Variants in KIAA1217 observed in about 807,000 individuals in gnomAD.
The protein encoded by KIAA1217 is sickle tail protein homolog.
In KIAA1217, 88 loss-of-function variants were observed where a neutral mutation model predicts 163.9. The observed-to-expected ratio is 0.54, with a 90% CI of 0.45 to 0.64. The LOEUF is 0.64. Ranked by LOEUF, KIAA1217 falls within the 30% of genes least tolerant of loss-of-function variation. The probability of loss-of-function intolerance (pLI) is 0.00; values close to 1 mark genes in which losing one functional copy is unlikely to be tolerated. For synonymous variants in KIAA1217, 903 were observed against 923.1 expected, an observed-to-expected ratio of 0.98 and a Z score of 0.39; for missense variants, 2,372 against 2,475.0, an observed-to-expected ratio of 0.96 and a Z score of 0.88.
chr10:24,217,251 G>A (rs2068955990), intron 1 of KIAA1217, among the ~76,000 whole-genome samples: 1 of 152,046 alleles, frequency 6.6e-6, no homozygotes, highest in Admixed American at 6.6e-5. Context: ...CATTTTAAAG[G>A]TAGCCATGAT....
intron 2 of KIAA1217, among the ~76,000 whole-genome samples, chr10:24,277,347 T>A (rs1203629179): frequency 6.6e-6 from 1 of 152,122 alleles, no homozygotes. Flanking sequence ...AGCAGGTGGG[T>A]GGCAGGTCTC....
intron 2 of KIAA1217, among the ~76,000 whole-genome samples, chr10:24,071,731 A>G (rs1013044784): frequency 6.6e-6 from 1 of 152,170 alleles, no homozygotes; most frequent in Non-Finnish European, 1.5e-5. Flanking sequence ...CAGATGAGAG[A>G]AACATGAACT....
At chr10:24,235,487 T>C (rs1229979268) in intron 2 of KIAA1217, among the ~76,000 whole-genome samples, 1 of 152,232 alleles carries the variant, frequency 6.6e-6, no homozygotes, top group Admixed American at 6.5e-5. Flanking sequence ...ACTTACGAAA[T>C]GTATATGTGT....
intron 1 of KIAA1217, among the ~76,000 whole-genome samples, chr10:23,835,094 A>G (rs1838385043): frequency 6.6e-6 from 1 of 152,030 alleles, no homozygotes; most frequent in Admixed American, 6.6e-5. Flanking sequence ...AGAGAATGTC[A>G]TAAGAGAAGA....
chr10:24,054,893 C>G (rs565851711), intron 2 of KIAA1217, among the ~76,000 whole-genome samples: 8 of 152,252 alleles, frequency 5.3e-5, no homozygotes, highest in African/African-American at 1.9e-4. Flanking sequence ...GTATTATAAT[C>G]TAATGGGACT....
intron 1 of KIAA1217, among the ~76,000 whole-genome samples, chr10:23,731,662 G>A (rs74123231): frequency 7.9e-4 from 120 of 152,202 alleles, no homozygotes; most frequent in Middle Eastern, 3.4e-3. Flanking sequence ...CTCAGTTTTC[G>A]TCCTTGCCTT....
At chr10:23,739,550 T>C (rs773333237) in intron 1 of KIAA1217, among the ~76,000 whole-genome samples, 6 of 152,170 alleles carry the variant, frequency 3.9e-5, no homozygotes, top group Non-Finnish European at 8.8e-5. Flanking sequence ...TGAGAAGTGA[T>C]GTCAGAGAGG....
intron 2 of KIAA1217, among the ~76,000 whole-genome samples, chr10:24,369,179 A>ATATGTGTGTGTG (rs1554833736): frequency 2.2e-5 from 3 of 139,530 alleles, no homozygotes; most frequent in African/African-American, 8.2e-5. Context: ...AACTTTCACT[A>ATATGTGTGTGTG]TGTGTGTGTG....
intron 2 of KIAA1217, among the ~76,000 whole-genome samples, chr10:24,377,269 G>A (rs1210231663): frequency 1.3e-5 from 2 of 152,144 alleles, no homozygotes; most frequent in African/African-American, 2.4e-5. Context: ...AGGTTGTGAT[G>A]GAAACAGAGG....
chr10:24,501,871 C>G (rs888408220), intron 9 of KIAA1217, among the ~76,000 whole-genome samples: 3 of 150,762 alleles, frequency 2.0e-5, no homozygotes, highest in African/African-American at 7.3e-5. Context: ...GCCTCAGCCT[C>G]CCGAGTAGCT....
chr10:23,875,608 A>G (rs754313352), intron 1 of KIAA1217, among the ~76,000 whole-genome samples: 32 of 152,188 alleles, frequency 2.1e-4, no homozygotes, highest in Middle Eastern at 6.8e-3. Flanking sequence ...GGATATACCC[A>G]AATGATTATA....
At chr10:24,225,142 T>C (rs2070339932) in intron 2 of KIAA1217, among the ~76,000 whole-genome samples, 1 of 152,088 alleles carries the variant, frequency 6.6e-6, no homozygotes, top group Non-Finnish European at 1.5e-5. Context: ...TTGACTTTTT[T>C]ATTTTTTCAA....
intron 2 of KIAA1217, among the ~76,000 whole-genome samples, chr10:24,178,016 T>C (rs1217247197): frequency 1.3e-5 from 2 of 152,208 alleles, no homozygotes; most frequent in Non-Finnish European, 2.9e-5. Flanking sequence ...CTGTAGTATT[T>C]AGCTTTTAGA....
chr10:23,778,177 GATTC>G (rs1835090665), intron 1 of KIAA1217, among the ~76,000 whole-genome samples: 1 of 151,958 alleles, frequency 6.6e-6, no homozygotes, highest in Non-Finnish European at 1.5e-5. Context: ...CTGACCTCGT[GATTC>G]CCCCCCCTTC....
intron 1 of KIAA1217, among the ~76,000 whole-genome samples, chr10:23,886,218 C>G (rs956691029): frequency 6.6e-6 from 1 of 151,874 alleles, no homozygotes; most frequent in Non-Finnish European, 1.5e-5. Flanking sequence ...TTTCCAGTAG[C>G]CAAGTGTTCC....
chr10:24,071,774 T>C (rs1344979451), intron 2 of KIAA1217, among the ~76,000 whole-genome samples: 2 of 152,168 alleles, frequency 1.3e-5, no homozygotes, highest in African/African-American at 2.4e-5. Flanking sequence ...AGAGGCATTA[T>C]TGCCCATCAT....
At chr10:24,447,998 C>T (rs1197485691) in intron 5 of KIAA1217, among the ~76,000 whole-genome samples, 9 of 151,952 alleles carry the variant, frequency 5.9e-5, no homozygotes, top group East Asian at 1.9e-4. Context: ...GGTGTGGTGG[C>T]GCGTGCCTAT....
chr10:24,040,908 C>A (rs1848602633), intron 2 of KIAA1217, among the ~76,000 whole-genome samples: 2 of 152,196 alleles, frequency 1.3e-5, no homozygotes, highest in Non-Finnish European at 2.9e-5. Flanking sequence ...TATGTAGGAA[C>A]TCTACATGGC....
At chr10:24,299,643 T>C (rs1383995267) in intron 2 of KIAA1217, among the ~76,000 whole-genome samples, 2 of 152,118 alleles carry the variant, frequency 1.3e-5, no homozygotes, top group East Asian at 3.8e-4. Context: ...AATGTGATCT[T>C]CTCACCTTGG....
Sources: gnomAD v4.1 joint callset for allele counts (sites outside exome capture counted in the v4.1 genomes callset) on GRCh38, gnomAD v4.1.1 for gene constraint, MANE v1.5 for transcripts, NCBI Gene and HGNC (gene_info 2026-07-23, HGNC 2026-07-21) for gene names.